Variants in LDB2 observed in about 807,000 individuals in gnomAD.
LDB2 encodes the protein LIM domain binding 2.
A neutral mutation model predicts 44.3 loss-of-function variants in LDB2; 12 were observed. The observed-to-expected ratio is 0.27, with a 90% CI of 0.17 to 0.44. The LOEUF is 0.44. Among genes scored for constraint, LDB2 ranks in the 20% least tolerant of loss-of-function variants. The pLI, the probability that LDB2 is intolerant of heterozygous loss-of-function variation, is 1.00. For missense variants in LDB2, 344 were observed against 473.5 expected (o/e 0.73, Z 2.54); for synonymous variants, 164 against 174.8 (o/e 0.94, Z 0.49).
At chr4:16,512,349 AAC>A (rs560196349) in intron 5 of LDB2, among the ~76,000 whole-genome samples, 1 of 152,028 alleles carries the variant, frequency 6.6e-6, no homozygotes, top group Non-Finnish European at 1.5e-5. Context: ...GACACACACA[AAC>A]ACACACATAT....
intron 2 of LDB2, among the ~76,000 whole-genome samples, chr4:16,719,463 C>T (rs1320663318): frequency 6.6e-6 from 1 of 152,034 alleles, no homozygotes; most frequent in East Asian, 1.9e-4. Context: ...TTTGAGAAGG[C>T]CTTCTGTAGC....
At chr4:16,665,713 C>A (rs1742943298) in intron 2 of LDB2, among the ~76,000 whole-genome samples, 1 of 151,986 alleles carries the variant, frequency 6.6e-6, no homozygotes, top group Admixed American at 6.5e-5. Flanking sequence ...AATAGTAGCC[C>A]CTAAAAGATA....
chr4:16,797,942 G>A (rs533896851), intron 1 of LDB2, among the ~76,000 whole-genome samples: 214 of 151,522 alleles, frequency 1.4e-3, no homozygotes, highest in Non-Finnish European at 1.8e-3. Flanking sequence ...GGCTGAGGCA[G>A]GAGAATTGCT....
intron 2 of LDB2, among the ~76,000 whole-genome samples, chr4:16,618,687 G>C (rs116823717): frequency 6.6e-6 from 1 of 152,196 alleles, no homozygotes; most frequent in Admixed American, 6.5e-5. Context: ...AGGAGGTGCA[G>C]TGTTCCATAG....
chr4:16,650,955 T>C (rs994246625), intron 2 of LDB2, among the ~76,000 whole-genome samples: 2 of 152,246 alleles, frequency 1.3e-5, no homozygotes, highest in Admixed American at 1.3e-4. Context: ...CTAATATCTA[T>C]GGGTTATCAT....
intron 2 of LDB2, among the ~76,000 whole-genome samples, chr4:16,751,790 A>G (rs1360613590): frequency 6.6e-6 from 1 of 152,214 alleles, no homozygotes; most frequent in Non-Finnish European, 1.5e-5. Context: ...TGAAAGAATG[A>G]ATCCATGAAT....
chr4:16,579,833 T>G (rs183818552), intron 5 of LDB2, among the ~76,000 whole-genome samples: 2 of 152,338 alleles, frequency 1.3e-5, no homozygotes, highest in African/African-American at 4.8e-5. Flanking sequence ...TCAAGAGATA[T>G]CTACTGGGTA....
At position 16,667,292 on chromosome 4, in the gene LDB2, G is replaced by A. The variant is rs115332552; in HGVS notation, c.236-71417C>T. Among the ~76,000 whole-genome samples the A allele has an allele frequency of 3.5e-3, 532 of 152,342 alleles. 3 individuals carry two copies. The highest frequency in any genetic ancestry group is 0.012 in the African/African-American group (516 of 41,580). ...CCCAAGCTTCAGACAGTGAGAAGGGGAAGGAAGTGAGCGTGTGCAGAGTCC... is the reference window on the plus strand; with the variant it reads ...CCCAAGCTTCAGACAGTGAGAAGGGAAAGGAAGTGAGCGTGTGCAGAGTCC... On this transcript the variant is annotated intron_variant, in intron 2 of 7. Transcript: ENST00000304523.
At chr4:16,543,542 C>G (rs997257142) in intron 5 of LDB2, among the ~76,000 whole-genome samples, 12 of 152,156 alleles carry the variant, frequency 7.9e-5, no homozygotes, top group Non-Finnish European at 1.8e-4. Flanking sequence ...AGCATTTTTT[C>G]ATGTGTTTTT....
intron 5 of LDB2, among the ~76,000 whole-genome samples, chr4:16,559,438 T>G (rs1577704966): frequency 6.6e-6 from 1 of 151,518 alleles, no homozygotes; most frequent in Non-Finnish European, 1.5e-5. Flanking sequence ...AAAACAGACT[T>G]TAAACCAACA....
intron 1 of LDB2, among the ~76,000 whole-genome samples, chr4:16,795,623 T>A (rs1396461463): frequency 1.3e-5 from 2 of 152,138 alleles, no homozygotes; most frequent in Non-Finnish European, 2.9e-5. Context: ...AGGCAGTTAT[T>A]CAGGCATGAA....
At chr4:16,889,907 A>G (rs1258795692) in intron 1 of LDB2, among the ~76,000 whole-genome samples, 5 of 152,214 alleles carry the variant, frequency 3.3e-5, no homozygotes, top group Admixed American at 6.5e-5. Context: ...AGAACATTTA[A>G]GTTGCTCAGT....
intron 2 of LDB2, among the ~76,000 whole-genome samples, chr4:16,733,667 G>A (rs899205979): frequency 6.6e-6 from 1 of 152,180 alleles, no homozygotes. Flanking sequence ...TGGCACCAGC[G>A]AATTCAGGTT....
intron 1 of LDB2, among the ~76,000 whole-genome samples, chr4:16,779,552 A>G (rs1772698063): frequency 6.6e-6 from 1 of 152,174 alleles, no homozygotes; most frequent in Non-Finnish European, 1.5e-5. Flanking sequence ...GAGTGGGAAG[A>G]CACGAGGTGA....
At chr4:16,881,805 C>T (rs997113219) in intron 1 of LDB2, among the ~76,000 whole-genome samples, 2 of 152,066 alleles carry the variant, frequency 1.3e-5, no homozygotes, top group South Asian at 2.1e-4. Flanking sequence ...TTCTCCCTCA[C>T]CCAAGGTTTA....
intron 1 of LDB2, among the ~76,000 whole-genome samples, chr4:16,846,973 T>C (rs977475582): frequency 1.3e-5 from 2 of 152,242 alleles, no homozygotes; most frequent in African/African-American, 2.4e-5. Context: ...ATGAGTTTTA[T>C]ACTGAGAGCT....
intron 2 of LDB2, among the ~76,000 whole-genome samples, chr4:16,611,074 G>A (rs1189047689): frequency 1.3e-5 from 2 of 152,132 alleles, no homozygotes; most frequent in Admixed American, 6.6e-5. Context: ...CACTATTAAA[G>A]TAAAGAATTT....
chr4:16,519,468 A>C (rs1365414394), intron 5 of LDB2, among the ~76,000 whole-genome samples: 1 of 151,976 alleles, frequency 6.6e-6, no homozygotes, highest in African/African-American at 2.4e-5. Flanking sequence ...TACCTCTCTG[A>C]ATATCAGTGG....
intron 2 of LDB2, among the ~76,000 whole-genome samples, chr4:16,622,225 C>G (rs978969696): frequency 6.6e-6 from 1 of 152,162 alleles, no homozygotes; most frequent in Non-Finnish European, 1.5e-5. Context: ...AAAAGCAACA[C>G]TGAGTGCTTA....
Sources: allele counts gnomAD v4.1 joint callset (sites outside exome capture counted in the v4.1 genomes callset), GRCh38; gene constraint gnomAD v4.1.1; transcripts MANE v1.5; gene names NCBI Gene and HGNC (gene_info 2026-07-23, HGNC 2026-07-21).